ASIC2: variants seen among roughly 807,000 people sequenced by gnomAD.
ASIC2 encodes the protein acid sensing ion channel subunit 2.
ASIC2 carries 25 observed loss-of-function variants against 57.3 expected under a neutral mutation model. The observed-to-expected ratio is 0.44, with a 90% confidence interval of 0.32 to 0.61. The LOEUF is 0.61. Ranked by LOEUF, ASIC2 falls within the 20% of genes least tolerant of loss-of-function variation. ASIC2 has a pLI of 0.06. For missense variants in ASIC2, 641 were observed against 738.1 expected (o/e 0.87, Z 1.52); for synonymous variants, 319 against 307.5 (o/e 1.04, Z -0.39).
chr17:33,202,932 A>T (rs1906931900), intron 1 of ASIC2, among the ~76,000 whole-genome samples: 1 of 152,080 alleles, frequency 6.6e-6, no homozygotes, highest in African/African-American at 2.4e-5. Flanking sequence ...GACACATAGG[A>T]TAGAGCTGGG....
chr17:33,822,997 G>A (rs1401269661), intron 1 of ASIC2, among the ~76,000 whole-genome samples: 2 of 152,202 alleles, frequency 1.3e-5, no homozygotes, highest in Admixed American at 6.5e-5. Flanking sequence ...CAGTTGAGAA[G>A]TGCCTGCATG....
intron 1 of ASIC2, among the ~76,000 whole-genome samples, chr17:33,994,262 T>C (rs1260118546): frequency 6.6e-6 from 1 of 152,144 alleles, no homozygotes; most frequent in Non-Finnish European, 1.5e-5. Flanking sequence ...GTTTCCCAAA[T>C]TATAAGAAGA....
At chr17:33,097,460 A>G (rs1197911799) in intron 2 of ASIC2, among the ~76,000 whole-genome samples, 1 of 152,216 alleles carries the variant, frequency 6.6e-6, no homozygotes, top group African/African-American at 2.4e-5. Flanking sequence ...GCTGCGTAGA[A>G]TTTTGGAGCC....
At chr17:33,831,427 A>G (rs1358534884) in intron 1 of ASIC2, among the ~76,000 whole-genome samples, 1 of 152,132 alleles carries the variant, frequency 6.6e-6, no homozygotes, top group Non-Finnish European at 1.5e-5. Flanking sequence ...GCCTTGGTTC[A>G]GGCCAGATCC....
chr17:34,122,073 G>A (rs11080249), intron 1 of ASIC2, among the ~76,000 whole-genome samples: 4,093 of 152,282 alleles, frequency 0.027, 170 homozygotes, highest in African/African-American at 0.082. Context: ...CCAACAAATG[G>A]TTGTTATCTT....
intron 1 of ASIC2, among the ~76,000 whole-genome samples, chr17:33,560,925 C>A (rs1394796184): frequency 6.6e-6 from 1 of 152,140 alleles, no homozygotes; most frequent in Non-Finnish European, 1.5e-5. Flanking sequence ...TATCTAATTC[C>A]AAAGCCCATA....
At chr17:33,321,965 T>C (rs990700947) in intron 1 of ASIC2, among the ~76,000 whole-genome samples, 6 of 152,180 alleles carry the variant, frequency 3.9e-5, no homozygotes, top group African/African-American at 1.2e-4. Flanking sequence ...CCAGTCTCAG[T>C]CTACCTGAGA....
At chr17:33,517,521 C>T (rs1862924367) in intron 1 of ASIC2, among the ~76,000 whole-genome samples, 1 of 152,146 alleles carries the variant, frequency 6.6e-6, no homozygotes, top group South Asian at 2.1e-4. Flanking sequence ...GCCGAGGTCT[C>T]TTGTGAGGTT....
At chr17:33,886,973 C>T (rs573689549) in intron 1 of ASIC2, among the ~76,000 whole-genome samples, 1 of 152,220 alleles carries the variant, frequency 6.6e-6, no homozygotes, top group South Asian at 2.1e-4. Context: ...ACAAAAAATG[C>T]ATTTTTTTCC....
rs551018477 is a variant in ASIC2, at chr17:33,028,685, C to A, written c.988-293G>T. On this transcript the variant is annotated intron_variant, in intron 3 of 9. Transcript: ENST00000225823. The stretch of plus-strand genomic sequence containing the variant: ...ACAGGTGGGCACCATCAAGCCCCAC[C>A]CTAACTTATCTTTTATAATCTTCCC... Among the ~76,000 whole-genome samples, 12 of 152,218 alleles carry A rather than the reference C, an allele frequency of 7.9e-5. No homozygotes were observed. In the South Asian group the frequency reaches 2.3e-3, roughly 29 times the overall value.
intron 1 of ASIC2, among the ~76,000 whole-genome samples, chr17:33,149,939 A>T (rs757017273): frequency 9.9e-5 from 15 of 152,188 alleles, no homozygotes; most frequent in Non-Finnish European, 2.1e-4. Flanking sequence ...GGATACCCTC[A>T]CATTTCCAGA....
chr17:33,757,319 A>G (rs1380812401), intron 1 of ASIC2, among the ~76,000 whole-genome samples: 1 of 152,186 alleles, frequency 6.6e-6, no homozygotes, highest in Non-Finnish European at 1.5e-5. Context: ...CTCCTGCGGG[A>G]CAAAAGGCAG....
In ASIC2 at chr17:33,015,506, C is replaced by T. The variant is rs796709541; in HGVS notation, c.1590+465G>A. Among the ~76,000 whole-genome samples the T allele has an allele frequency of 1.5e-4, 23 of 152,276 alleles. 1 individual carries two copies. Among genetic ancestry groups the T allele is most frequent in the African/African-American group, 4.8e-4 (20 of 41,528 alleles). On this transcript the variant is annotated intron_variant, in intron 9 of 9. Transcript: ENST00000225823. ...CAGTGCCTGACACGTACCAGGCATA[C>T]AATAGTCAGTAGCTATAATGGGCAC...
At chr17:33,521,860 GA>G (rs1450862864) in intron 1 of ASIC2, among the ~76,000 whole-genome samples, 3 of 152,214 alleles carry the variant, frequency 2.0e-5, no homozygotes, top group African/African-American at 7.2e-5. Context: ...GACAAGAGGG[GA>G]CCCAGGCTGT....
chr17:33,404,783 T>C (rs1158757790), intron 1 of ASIC2, among the ~76,000 whole-genome samples: 6 of 152,242 alleles, frequency 3.9e-5, no homozygotes, highest in African/African-American at 7.2e-5. Flanking sequence ...TGTTTCAGTT[T>C]TATCAAAGTT....
intron 1 of ASIC2, among the ~76,000 whole-genome samples, chr17:33,490,263 T>C (rs1913710658): frequency 6.6e-6 from 1 of 152,262 alleles, no homozygotes; most frequent in African/African-American, 2.4e-5. Context: ...TGCTAACCCT[T>C]GATTTAGAGC....
rs1415184116 is a variant in ASIC2 at position 33,292,000 on chromosome 17, C to T, written c.116G>A (p.Gly39Glu). 8.1e-7 allele frequency: 1 copy of T among 1,240,786 alleles called. No individual in the cohort carries two copies. The highest frequency in any genetic ancestry group is 1.0e-6 in the Non-Finnish European group (1 of 998,752). 76.9% of individuals were successfully genotyped at this position (1,240,786 alleles called of 1,614,324 possible). A position where few individuals can be genotyped will look rare whatever the true frequency, so the allele number is the denominator to read the frequency against. The change falls in exon 1 of 10, where the codon GGG (glycine) becomes GAG (glutamate). Residue 39 changes from glycine to glutamate, a missense_variant. Coordinates refer to ENST00000225823, the MANE Select transcript of ASIC2 (RefSeq NM_183377.2). ...CGCCCGCTCGCCGCCTCTGCCGCCCCCGGGCTGCCCGGCAGCCGCCAACGC... is the reference window on the plus strand; with the variant it reads ...CGCCCGCTCGCCGCCTCTGCCGCCCTCGGGCTGCCCGGCAGCCGCCAACGC... ...PAALAAAGQP[G>E]GGRGGERALQ...
chr17:34,026,283 A>C (rs1907376615), intron 1 of ASIC2, among the ~76,000 whole-genome samples: 1 of 152,156 alleles, frequency 6.6e-6, no homozygotes, highest in East Asian at 1.9e-4. Context: ...AATGAGAATG[A>C]GGAGCCCTGC....
intron 1 of ASIC2, among the ~76,000 whole-genome samples, chr17:33,802,012 T>C (rs1912146193): frequency 6.6e-6 from 1 of 152,228 alleles, no homozygotes; most frequent in East Asian, 1.9e-4. Flanking sequence ...ATTGGACAGC[T>C]GTTAGTTCCC....
Sources: allele counts gnomAD v4.1 joint callset (sites outside exome capture counted in the v4.1 genomes callset), GRCh38; gene constraint gnomAD v4.1.1; transcripts MANE v1.5; gene names NCBI Gene and HGNC (gene_info 2026-07-23, HGNC 2026-07-21).